The following CD1B variants were observed in gnomAD, a reference collection of about 807,000 sequenced individuals.
The protein encoded by CD1B is CD1b molecule, also known as T-cell surface glycoprotein CD1b.
In CD1B, 43 loss-of-function variants were observed where a neutral mutation model predicts 39.8. That is an observed-to-expected ratio of 1.08 (90% confidence interval 0.85 to 1.39). The LOEUF (loss-of-function observed/expected upper bound fraction) is 1.39, where lower values mean the gene tolerates loss of function less well. Ranked by LOEUF, CD1B falls within the 40% of genes most tolerant of loss-of-function variation. The pLI is 0.00. For synonymous variants in CD1B, 192 were observed against 152.5 expected (o/e 1.26, Z -1.91); for missense variants, 495 against 403.8 (o/e 1.23, Z -1.94).
chr1:158,298,084 G>A, the CD1B span, among the ~76,000 whole-genome samples: 1 of 152,118 alleles, frequency 6.6e-6, no homozygotes, highest in African/African-American at 2.4e-5. Context: ...AAAAAGAGCA[G>A]GGGTTGCTAT....
chr1:158,292,843 T>C, the CD1B span: 2 of 1,614,100 alleles, frequency 1.2e-6, no homozygotes, highest in Non-Finnish European at 1.7e-6. Flanking sequence ...GACACAGCAG[T>C]CTAGGAGGCC....
the CD1B span, among the ~76,000 whole-genome samples, chr1:158,298,877 C>T: frequency 6.6e-6 from 1 of 152,168 alleles, no homozygotes; most frequent in Admixed American, 6.5e-5. Context: ...TATCCTGAGA[C>T]TTTGCTGAAG....
chr1:158,308,489 T>C, the CD1B span, among the ~76,000 whole-genome samples: 6 of 152,104 alleles, frequency 3.9e-5, no homozygotes, highest in African/African-American at 1.4e-4. Flanking sequence ...TACTTTAAAG[T>C]TCATATGGAA....
chr1:158,296,712 A>G, the CD1B span, among the ~76,000 whole-genome samples: 11 of 152,348 alleles, frequency 7.2e-5, no homozygotes, highest in South Asian at 2.3e-3. Context: ...CAGTAAAATA[A>G]TACAATAACT....
chr1:158,303,582 T>C, the CD1B span, among the ~76,000 whole-genome samples: 17 of 152,146 alleles, frequency 1.1e-4, no homozygotes, highest in Non-Finnish European at 2.4e-4. Context: ...ATCTTCAAGG[T>C]ATAAAATCAA....
downstream of CD1B, among the ~76,000 whole-genome samples, chr1:158,324,204 C>T (rs959601032): frequency 1.3e-5 from 2 of 152,110 alleles, no homozygotes; most frequent in Non-Finnish European, 1.5e-5. Context: ...GTAGCCAAGC[C>T]TTTTGTTAAC....
the CD1B span, among the ~76,000 whole-genome samples, chr1:158,322,689 T>C: frequency 6.6e-6 from 1 of 152,150 alleles, no homozygotes; most frequent in Non-Finnish European, 1.5e-5. Context: ...ACAGATCTGG[T>C]GGTGTTGCAT....
chr1:158,309,887 C>G, the CD1B span, among the ~76,000 whole-genome samples: 1 of 151,906 alleles, frequency 6.6e-6, no homozygotes, highest in African/African-American at 2.4e-5. Context: ...TATTAAATAA[C>G]GAGTCAATGG....
At chr1:158,305,556 A>G in the CD1B span, among the ~76,000 whole-genome samples, 2 of 152,208 alleles carry the variant, frequency 1.3e-5, no homozygotes, top group South Asian at 2.1e-4. Flanking sequence ...GCAGGCCAAC[A>G]TTCAAACTCA....
At chr1:158,293,454 GC>G in the CD1B span, 19 of 1,613,702 alleles carry the variant, frequency 1.2e-5, no homozygotes, top group Admixed American at 1.2e-4. Context: ...TTCCTTCACA[GC>G]TCATATCAGG....
At chr1:158,322,332 G>C in the CD1B span, among the ~76,000 whole-genome samples, 7 of 151,950 alleles carry the variant, frequency 4.6e-5, no homozygotes, top group Non-Finnish European at 1.0e-4. Context: ...TGCCTCCTAG[G>C]CTCAAGGAAT....
the CD1B span, among the ~76,000 whole-genome samples, chr1:158,318,570 A>G: frequency 1.3e-5 from 2 of 151,980 alleles, no homozygotes; most frequent in African/African-American, 2.4e-5. Context: ...TGCACGTGAG[A>G]TGGGTTTCCT....
the CD1B span, among the ~76,000 whole-genome samples, chr1:158,306,951 A>G: frequency 6.6e-6 from 1 of 152,230 alleles, no homozygotes; most frequent in Non-Finnish European, 1.5e-5. Flanking sequence ...GGAAATTTAT[A>G]GCACTAAATG....
downstream of CD1B, among the ~76,000 whole-genome samples, chr1:158,325,665 G>A (rs76760901): frequency 0.014 from 2,127 of 148,292 alleles, 24 homozygotes; most frequent in African/African-American, 0.029. Context: ...ACACACACAC[G>A]CACACACACA....
At chr1:158,329,673 G>A in intron 3 of CD1B, 25 bp from the exon 4 acceptor site, 3 of 1,609,150 alleles carry the variant, frequency 1.9e-6, no homozygotes, top group South Asian at 1.1e-5. Context: ...AGAAAAAAAA[G>A]TGTCATGTTA....
the CD1B span, among the ~76,000 whole-genome samples, chr1:158,302,696 A>G: frequency 3.3e-5 from 5 of 152,276 alleles, no homozygotes; most frequent in African/African-American, 1.2e-4. Flanking sequence ...AAGAAATGGA[A>G]AAATTCTTGA....
the CD1B span, chr1:158,291,494 C>T: frequency 4.8e-6 from 6 of 1,253,194 alleles, no homozygotes; most frequent in Admixed American, 9.4e-5. Context: ...CCCATTATCC[C>T]ATCCCACCAT....
the CD1B span, among the ~76,000 whole-genome samples, chr1:158,307,391 TTGAATCCC>T: frequency 6.6e-6 from 1 of 152,088 alleles, no homozygotes; most frequent in African/African-American, 2.4e-5. Flanking sequence ...CAGGAAGAAT[TTGAATCCC>T]TGAATAGACC....
At chr1:158,327,032 G>A (rs1178781995), downstream of CD1B, among the ~76,000 whole-genome samples, 1 of 152,040 alleles carries the variant, frequency 6.6e-6, no homozygotes, top group Admixed American at 6.6e-5. Flanking sequence ...CCTGACCTCA[G>A]GTGATCCACC....
Sources: gnomAD v4.1 joint callset for allele counts (sites outside exome capture counted in the v4.1 genomes callset) on GRCh38, gnomAD v4.1.1 for gene constraint, MANE v1.5 for transcripts, NCBI Gene and HGNC (gene_info 2026-07-23, HGNC 2026-07-21) for gene names.